The following PREX2 variants were observed in gnomAD, a reference collection of about 807,000 sequenced individuals.
PREX2 encodes the protein phosphatidylinositol-3,4,5-trisphosphate dependent Rac exchange factor 2, also known as phosphatidylinositol 3,4,5-trisphosphate-dependent Rac exchanger 2 protein.
Under a neutral mutation model 203.2 loss-of-function variants are expected in PREX2, and 107 were observed. That is an observed-to-expected ratio of 0.53 (90% CI 0.45 to 0.62). The LOEUF is 0.62. Ranked by LOEUF, PREX2 falls within the 20% of genes least tolerant of loss-of-function variation. The probability of loss-of-function intolerance (pLI) is 0.00; values close to 1 mark genes in which losing one functional copy is unlikely to be tolerated. For missense variants in PREX2, 1,777 were observed against 1,955.9 expected (o/e 0.91, Z 1.72); for synonymous variants, 672 against 663.6 (o/e 1.01, Z -0.19).
chr8:68,075,157 C>T (rs1411462485), intron 14 of PREX2, among the ~76,000 whole-genome samples: 1 of 152,124 alleles, frequency 6.6e-6, no homozygotes, highest in African/African-American at 2.4e-5. Context: ...TAAATGCTCA[C>T]CAGGTGCATA....
At chr8:68,206,146 T>G (rs1168679433) in intron 37 of PREX2, among the ~76,000 whole-genome samples, 2 of 152,216 alleles carry the variant, frequency 1.3e-5, no homozygotes, top group African/African-American at 4.8e-5. Context: ...AAATGGGTTT[T>G]GAATCCTGTT....
rs192006650 is a variant in PREX2, at chr8:68,062,144, C to T, written c.1339+1365C>T. On this transcript the variant is annotated intron_variant, in intron 11 of 39. Coordinates refer to ENST00000288368, the MANE Select transcript of PREX2 (RefSeq NM_024870.4). ...TTTAATTCCTTTCTCTCCCTCATGC[C>T]GTCAAGCCCTGTGAGCTCTACCACC... 1.1e-4 allele frequency among the ~76,000 whole-genome samples: 17 copies of T among 152,202 alleles called. No homozygotes were observed. The East Asian group carries it at 1.4e-3, about 12-fold the overall frequency.
chr8:68,090,831 A>G, intron 20 of PREX2, 116 bp downstream of exon 20: 1 of 693,800 alleles, frequency 1.4e-6, no homozygotes, highest in South Asian at 2.6e-5. Flanking sequence ...TTTAAAATTA[A>G]ACACAGCATT....
chr8:67,952,180 C>G lies in PREX2; in HGVS notation c.-215C>G. The G allele has an allele frequency of 2.6e-6, 1 of 386,042 alleles. No homozygotes were observed. Among genetic ancestry groups the G allele is most frequent in the Non-Finnish European group, 4.4e-6 (1 of 226,134 alleles). 23.9% of individuals were successfully genotyped at this position (386,042 alleles called of 1,614,324 possible). A position where few individuals can be genotyped will look rare whatever the true frequency, so the allele number is the denominator to read the frequency against. ...GAGCCCCCACTCCCAGGAGTTTCCT[C>G]TGCAGAGCCCCGCGCCCCCCGCGCC... On this transcript the variant is annotated 5_prime_UTR_variant, in exon 1 of 40. Transcript: ENST00000288368.
intron 1 of PREX2, among the ~76,000 whole-genome samples, chr8:67,984,479 G>A (rs941892922): frequency 1.3e-5 from 2 of 152,210 alleles, no homozygotes; most frequent in African/African-American, 4.8e-5. Context: ...ATACATGCAT[G>A]TGTATGTATG....
At chr8:68,176,282 T>A (rs143732362) in intron 35 of PREX2, among the ~76,000 whole-genome samples, 11 of 152,296 alleles carry the variant, frequency 7.2e-5, no homozygotes, top group African/African-American at 9.6e-5. Context: ...ATTGCATATC[T>A]TCTGAGCCAG....
Position 68,146,138 on chromosome 8 carries a change from G to A in PREX2, c.4088-71G>A. On this transcript the variant is annotated intron_variant, in intron 33 of 39. Coordinates refer to ENST00000288368, the MANE Select transcript of PREX2 (RefSeq NM_024870.4). ...TCGAGTAATTCTCAGGATTCTTTCT[G>A]AAAGTTAACAAAAGTACCATCTAGC... is the stretch of plus-strand genomic sequence containing the variant. The A allele has an allele frequency of 5.5e-6, 6 of 1,098,292 alleles. No individual in the cohort carries two copies. In the South Asian group the frequency reaches 8.8e-5, roughly 16 times the overall value. 68.0% of individuals were successfully genotyped at this position (1,098,292 alleles called of 1,614,324 possible).
chr8:68,053,693 C>G (rs1056678911), intron 9 of PREX2, among the ~76,000 whole-genome samples: 1 of 152,158 alleles, frequency 6.6e-6, no homozygotes. Flanking sequence ...CTTAACAGAA[C>G]ACTAAAATTT....
At chr8:68,113,692 CACT>C (rs1312216530) in intron 25 of PREX2, among the ~76,000 whole-genome samples, 2 of 152,122 alleles carry the variant, frequency 1.3e-5, no homozygotes, top group African/African-American at 4.8e-5. Context: ...CTGACTGCAC[CACT>C]GTTTGAAGTG....
intron 25 of PREX2, chr8:68,114,310 T>C (rs1288572700): frequency 5.9e-6 from 3 of 510,660 alleles, no homozygotes; most frequent in East Asian, 1.1e-4. Flanking sequence ...AGGTATAAGA[T>C]ATCGTCACCG....
At position 68,097,150 on chromosome 8, in the gene PREX2, T is replaced by C. The variant is rs748576828; in HGVS notation, c.2502T>C (p.Asn834=). Residue 834 remains asparagine, a synonymous_variant, in exon 22 of 40, where the codon AAT becomes AAC. Transcript: ENST00000288368. ...ACAGCACAGCTGGCATCAAGTGCAA[T>C]GTGGTGGAAAAGATGATTGAGCCCA... ...EYDSTAGIKC[N]VVEKMIEPKG... 1 of 1,613,916 alleles carries C rather than the reference T, an allele frequency of 6.2e-7. No individual in the cohort carries two copies. The highest frequency in any genetic ancestry group is 1.1e-5 in the South Asian group (1 of 91,064).
chr8:68,047,700 A>T (rs1563517125), intron 8 of PREX2, among the ~76,000 whole-genome samples: 1 of 151,102 alleles, frequency 6.6e-6, no homozygotes, highest in Non-Finnish European at 1.5e-5. Flanking sequence ...AGAACTTGTG[A>T]TGGAAAATGG....
chr8:68,214,317 C>T (rs1333081298), intron 37 of PREX2, among the ~76,000 whole-genome samples: 1 of 152,134 alleles, frequency 6.6e-6, no homozygotes, highest in Non-Finnish European at 1.5e-5. Context: ...GGAGGATCAC[C>T]TGAGCCCAGG....
chr8:68,131,265 C>CT (rs1031963139), intron 31 of PREX2, among the ~76,000 whole-genome samples: 1 of 152,198 alleles, frequency 6.6e-6, no homozygotes, highest in Non-Finnish European at 1.5e-5. Context: ...TGTTTTCTAA[C>CT]TTTGTTATTC....
At chr8:68,030,967 A>G (rs2129610520) in intron 6 of PREX2, among the ~76,000 whole-genome samples, 1 of 152,292 alleles carries the variant, frequency 6.6e-6, no homozygotes, top group Admixed American at 6.5e-5. Context: ...TTTGGCCATA[A>G]GTACATAGCC....
At chr8:68,123,320 C>CA (rs1353806443) in intron 30 of PREX2, among the ~76,000 whole-genome samples, 2 of 151,770 alleles carry the variant, frequency 1.3e-5, no homozygotes, top group Non-Finnish European at 2.9e-5. Context: ...ACACCACAAC[C>CA]AAAAGAACTA....
intron 33 of PREX2, among the ~76,000 whole-genome samples, chr8:68,143,694 T>C (rs1811269915): frequency 6.6e-6 from 1 of 152,186 alleles, no homozygotes; most frequent in African/African-American, 2.4e-5. Context: ...AGTTTTACAT[T>C]TGATGGGATA....
At chr8:67,991,647 G>C (rs1256067863) in intron 1 of PREX2, among the ~76,000 whole-genome samples, 1 of 152,142 alleles carries the variant, frequency 6.6e-6, no homozygotes, top group African/African-American at 2.4e-5. Flanking sequence ...CCTCCACCTG[G>C]TCTCTCCCTT....
intron 1 of PREX2, among the ~76,000 whole-genome samples, chr8:68,007,068 C>A (rs935111708): frequency 1.3e-5 from 2 of 152,112 alleles, no homozygotes; most frequent in African/African-American, 4.8e-5. Flanking sequence ...ATTCAGCTGT[C>A]GATGGAGCTG....
Sources: gnomAD v4.1 joint callset for allele counts (sites outside exome capture counted in the v4.1 genomes callset) on GRCh38, gnomAD v4.1.1 for gene constraint, MANE v1.5 for transcripts, NCBI Gene and HGNC (gene_info 2026-07-23, HGNC 2026-07-21) for gene names.